The following TUSC3 variants were observed in gnomAD, a reference collection of about 807,000 sequenced individuals.
TUSC3 encodes the protein dolichyl-diphosphooligosaccharide--protein glycosyltransferase subunit TUSC3.
A neutral mutation model predicts 44.8 loss-of-function variants in TUSC3; 45 were observed. The observed-to-expected ratio is 1.00, with a 90% CI of 0.79 to 1.29. The LOEUF (loss-of-function observed/expected upper bound fraction) is 1.29. Among genes scored for constraint, TUSC3 ranks in the 50% most tolerant of loss-of-function variants. TUSC3 has a pLI of 0.00. For synonymous variants in TUSC3, 212 were observed against 152.9 expected, an observed-to-expected ratio of 1.39 and a Z score of -2.85; for missense variants, 519 against 437.9, an observed-to-expected ratio of 1.19 and a Z score of -1.65.
chr8:15,746,410 A>G (rs1811416599), intron 8 of TUSC3, among the ~76,000 whole-genome samples: 1 of 152,032 alleles, frequency 6.6e-6, no homozygotes, highest in Non-Finnish European at 1.5e-5. Context: ...TGTGATTTTT[A>G]TTTTTGATGT....
chr8:15,548,708 T>C (rs1801956363), intron 1 of TUSC3, among the ~76,000 whole-genome samples: 1 of 151,948 alleles, frequency 6.6e-6, no homozygotes, highest in South Asian at 2.1e-4. Context: ...AAAATCATTC[T>C]ACTAAGGGAG....
chr8:15,760,776 C>G (rs972594610), intron 10 of TUSC3, among the ~76,000 whole-genome samples: 15 of 152,300 alleles, frequency 9.8e-5, no homozygotes, highest in African/African-American at 3.6e-4. Flanking sequence ...CCTTCTGGCT[C>G]TTTACAGAAA....
intron 6 of TUSC3, among the ~76,000 whole-genome samples, chr8:15,700,154 A>G (rs1237767200): frequency 2.0e-5 from 3 of 152,162 alleles, no homozygotes; most frequent in Admixed American, 2.0e-4. Flanking sequence ...TTCAACTCCA[A>G]ATAATCTCTG....
At chr8:15,653,793 TA>T (rs1768307264) in intron 3 of TUSC3, among the ~76,000 whole-genome samples, 1 of 152,246 alleles carries the variant, frequency 6.6e-6, no homozygotes, top group Non-Finnish European at 1.5e-5. Context: ...AACTGACTAT[TA>T]AATCATATTT....
At chr8:15,490,595 G>A (rs748039632) in intron 2 of TUSC3, among the ~76,000 whole-genome samples, 62 of 152,294 alleles carry the variant, frequency 4.1e-4, no homozygotes, top group Non-Finnish European at 1.8e-4. Context: ...CAGACACAAA[G>A]TGTGCAGCTG....
chr8:15,827,773 G>C, the TUSC3 span, among the ~76,000 whole-genome samples: 2 of 152,086 alleles, frequency 1.3e-5, no homozygotes, highest in Admixed American at 1.3e-4. Context: ...AACTGATTTG[G>C]ATAATTTAGA....
At chr8:15,751,182 G>C (rs1269591871) in intron 9 of TUSC3, among the ~76,000 whole-genome samples, 1 of 152,102 alleles carries the variant, frequency 6.6e-6, no homozygotes, top group African/African-American at 2.4e-5. Context: ...CTAGCCAAAA[G>C]GCAATCAGGG....
At chr8:15,825,409 CCAT>C in the TUSC3 span, among the ~76,000 whole-genome samples, 1 of 152,062 alleles carries the variant, frequency 6.6e-6, no homozygotes, top group African/African-American at 2.4e-5. Context: ...CTTTAGAAAA[CCAT>C]CATATTTTTG....
chr8:15,840,786 A>G, the TUSC3 span, among the ~76,000 whole-genome samples: 1 of 152,210 alleles, frequency 6.6e-6, no homozygotes, highest in African/African-American at 2.4e-5. Context: ...CTCTAAATTT[A>G]TCATCTATCC....
intron 1 of TUSC3, among the ~76,000 whole-genome samples, chr8:15,419,487 C>A (rs1282479115): frequency 6.6e-6 from 1 of 152,092 alleles, no homozygotes; most frequent in Admixed American, 6.5e-5. Flanking sequence ...ATTTAGCAAA[C>A]ATTTGTGGAA....
At chr8:15,742,146 A>C (rs2129213780) in intron 7 of TUSC3, among the ~76,000 whole-genome samples, 1 of 151,068 alleles carries the variant, frequency 6.6e-6, no homozygotes, top group South Asian at 2.1e-4. Context: ...GAAAGGCAGG[A>C]ATTTCATAGA....
At chr8:15,790,788 T>C in the TUSC3 span, among the ~76,000 whole-genome samples, 1 of 152,102 alleles carries the variant, frequency 6.6e-6, no homozygotes, top group African/African-American at 2.4e-5. Context: ...TTTGAGGATA[T>C]GAAATTAATT....
chr8:15,805,477 T>C, the TUSC3 span, among the ~76,000 whole-genome samples: 1 of 152,186 alleles, frequency 6.6e-6, no homozygotes, highest in African/African-American at 2.4e-5. Flanking sequence ...TTGTCATAGA[T>C]GGATCTTATT....
At chr8:15,667,137 C>G (rs6995062) in intron 5 of TUSC3, among the ~76,000 whole-genome samples, 3 of 151,572 alleles carry the variant, frequency 2.0e-5, no homozygotes, top group South Asian at 2.1e-4. Context: ...TCTCCTTAAT[C>G]CAACTCAATA....
At chr8:15,716,073 T>C (rs148367819) in intron 6 of TUSC3, among the ~76,000 whole-genome samples, 3,459 of 151,954 alleles carry the variant, frequency 0.023, 127 homozygotes, top group African/African-American at 0.077. Context: ...CTGGCCAACA[T>C]GGTGAAACCC....
intron 1 of TUSC3, among the ~76,000 whole-genome samples, chr8:15,569,997 A>G (rs1166919294): frequency 1.3e-5 from 2 of 152,086 alleles, no homozygotes; most frequent in Non-Finnish European, 1.5e-5. Context: ...AAATAGGTTT[A>G]TTTGTATCCA....
chr8:15,665,414 T>C (rs1254541246), intron 5 of TUSC3, among the ~76,000 whole-genome samples: 1 of 151,478 alleles, frequency 6.6e-6, no homozygotes, highest in African/African-American at 2.4e-5. Flanking sequence ...CCAAGGAGAA[T>C]TATTTAGTGT....
In TUSC3 at chr8:15,448,470, T is replaced by C. The variant is rs140230040; in HGVS notation, n.91+31165T>C. On this transcript the variant is annotated intron_variant and non_coding_transcript_variant, in intron 1 of 5. Coordinates refer to the TUSC3 transcript ENST00000503191. ...GGTGAAATGCATGTATCAGCATAAC[T>C]TTTGGAGATTTTACCCTTTCACAGA... Among the ~76,000 whole-genome samples, 415 of 152,208 alleles carry C rather than the reference T, an allele frequency of 2.7e-3. 2 individuals carry two copies. The East Asian group carries it at 0.046, about 17-fold the overall frequency.
intron 6 of TUSC3, among the ~76,000 whole-genome samples, chr8:15,687,880 T>C (rs1020494557): frequency 6.6e-6 from 1 of 152,256 alleles, no homozygotes; most frequent in Admixed American, 6.5e-5. Flanking sequence ...AACATTTGTT[T>C]GTAATTAAAA....
Sources: allele counts gnomAD v4.1 joint callset (sites outside exome capture counted in the v4.1 genomes callset), GRCh38; gene constraint gnomAD v4.1.1; transcripts MANE v1.5; gene names NCBI Gene and HGNC (gene_info 2026-07-23, HGNC 2026-07-21).